Variants in MAD1L1 observed in about 807,000 individuals in gnomAD.
MAD1L1 encodes mitotic spindle assembly checkpoint protein MAD1.
A neutral mutation model predicts 96.9 loss-of-function variants in MAD1L1; 95 were observed. The ratio of observed to expected loss-of-function variants is 0.98; its 90% CI spans 0.83 to 1.16. The LOEUF is 1.16. Among genes scored for constraint, MAD1L1 ranks in the 50% most tolerant of loss-of-function variants. The pLI is 0.00. For missense variants in MAD1L1, 1,007 were observed against 954.4 expected, an observed-to-expected ratio of 1.06 and a Z score of -0.73; for synonymous variants, 473 against 396.6, an observed-to-expected ratio of 1.19 and a Z score of -2.29.
chr7:1,891,629 G>A (rs1355920701), intron 18 of MAD1L1, among the ~76,000 whole-genome samples: 1 of 152,162 alleles, frequency 6.6e-6, no homozygotes, highest in African/African-American at 2.4e-5. Flanking sequence ...CCAGGCTAGA[G>A]TGCGGTGGCG....
intron 17 of MAD1L1, among the ~76,000 whole-genome samples, chr7:1,901,820 C>A (rs967359459): frequency 1.3e-5 from 2 of 152,214 alleles, no homozygotes; most frequent in African/African-American, 4.8e-5. Context: ...TCTGGCCACA[C>A]TGACCAGGAG....
chr7:1,820,297 C>A (rs541322898), intron 18 of MAD1L1, among the ~76,000 whole-genome samples: 33 of 152,222 alleles, frequency 2.2e-4, no homozygotes, highest in African/African-American at 7.2e-4. Context: ...TAGAGGGAAA[C>A]GGACAGCACT....
chr7:1,990,576 C>T (rs531436579), intron 14 of MAD1L1, among the ~76,000 whole-genome samples: 14 of 152,366 alleles, frequency 9.2e-5, no homozygotes, highest in African/African-American at 3.4e-4. Flanking sequence ...ACAGCCCAGC[C>T]GGAGGGCATG....
chr7:1,886,445 G>GC (rs1026819543), intron 18 of MAD1L1, among the ~76,000 whole-genome samples: 3 of 152,168 alleles, frequency 2.0e-5, no homozygotes, highest in African/African-American at 7.2e-5. Flanking sequence ...GTGTCAACAC[G>GC]CCCCAGCTAG....
At chr7:1,865,936 G>A (rs534220080) in intron 18 of MAD1L1, among the ~76,000 whole-genome samples, 3 of 152,368 alleles carry the variant, frequency 2.0e-5, no homozygotes, top group Admixed American at 1.3e-4. Context: ...GCCTGCCAGC[G>A]TGACAGGCAC....
rs531691111 is a variant in MAD1L1, at chr7:1,957,520, C to T, written c.1596+109G>A. 45 of 1,085,278 alleles carry T rather than the reference C, an allele frequency of 4.1e-5. No individual in the cohort carries two copies. The African/African-American group carries it at 4.5e-4, about 11-fold the overall frequency. 67.2% of individuals were successfully genotyped at this position (1,085,278 alleles called of 1,614,324 possible). On this transcript the variant is annotated intron_variant, in intron 16 of 18. Coordinates refer to ENST00000265854, the MANE Select transcript of MAD1L1 (RefSeq NM_001013836.2). ...TGGGAGGGAGGAGAGTTCAGACAGA[C>T]GAGCCAGAAAACGGGTGTTCTGTGG...
chr7:2,213,467 C>A (rs1026321789), intron 9 of MAD1L1, among the ~76,000 whole-genome samples, 194 bp from the exon 10 acceptor site: 1 of 152,204 alleles, frequency 6.6e-6, no homozygotes, highest in Non-Finnish European at 1.5e-5. Context: ...AGAAGCCACA[C>A]TGGCGCTTCC....
chr7:2,132,499 G>A (rs1159506468), intron 11 of MAD1L1, among the ~76,000 whole-genome samples: 5 of 152,206 alleles, frequency 3.3e-5, no homozygotes, highest in South Asian at 4.2e-4. Context: ...CCACCATCAC[G>A]GCCGCGTGAA....
intron 12 of MAD1L1, among the ~76,000 whole-genome samples, chr7:2,068,601 T>C (rs78815951): frequency 1.4e-4 from 22 of 152,108 alleles, no homozygotes; most frequent in East Asian, 1.4e-3. Context: ...TGGGGACAGA[T>C]TGACTTCTTT....
intron 11 of MAD1L1, among the ~76,000 whole-genome samples, chr7:2,106,394 G>A (rs905784064): frequency 4.0e-5 from 6 of 151,176 alleles, no homozygotes; most frequent in African/African-American, 1.5e-4. Flanking sequence ...CCCTGGAGAC[G>A]GCCATGGTCA....
At chr7:2,061,685 A>T (rs949449723) in intron 12 of MAD1L1, among the ~76,000 whole-genome samples, 10 of 152,376 alleles carry the variant, frequency 6.6e-5, no homozygotes, top group African/African-American at 2.4e-4. Flanking sequence ...CACCCAGGGG[A>T]TCACCAAACG....
At chr7:1,888,794 C>T (rs930889044) in intron 18 of MAD1L1, among the ~76,000 whole-genome samples, 10 of 152,120 alleles carry the variant, frequency 6.6e-5, no homozygotes, top group Admixed American at 3.9e-4. Flanking sequence ...TGTCAGCATG[C>T]ATGCATGTGG....
intron 12 of MAD1L1, among the ~76,000 whole-genome samples, chr7:2,044,360 G>A (rs971504923): frequency 6.6e-6 from 1 of 152,150 alleles, no homozygotes; most frequent in Admixed American, 6.5e-5. Context: ...TTGAACTCAC[G>A]CACCCAGGCT....
intron 12 of MAD1L1, among the ~76,000 whole-genome samples, chr7:2,034,210 T>C (rs1016504995): frequency 6.8e-6 from 1 of 148,116 alleles, no homozygotes; most frequent in African/African-American, 2.5e-5. Context: ...AAATTTCCAA[T>C]AAAGAGTCTC....
At position 2,161,637 on chromosome 7, in the gene MAD1L1, C is replaced by T. The variant is rs560210110; in HGVS notation, c.987-12399G>A. Among the ~76,000 whole-genome samples the T allele has an allele frequency of 7.3e-4, 111 of 151,838 alleles. 1 individual carries two copies. The highest frequency in any genetic ancestry group is 2.5e-3 in the African/African-American group (105 of 41,418). On this transcript the variant is annotated intron_variant, in intron 10 of 18. Coordinates refer to ENST00000265854, the MANE Select transcript of MAD1L1 (RefSeq NM_001013836.2). ...GAAGTGAGGAGCGCCTCTTCCCGGC[C>T]GACATCCCGTCTAGGAAGTGAGGAG...
chr7:2,185,356 T>C (rs920421617), intron 10 of MAD1L1, among the ~76,000 whole-genome samples: 4 of 152,194 alleles, frequency 2.6e-5, no homozygotes, highest in East Asian at 1.9e-4. Flanking sequence ...GGGGTAGGAA[T>C]TGATTGAAGG....
chr7:1,990,044 C>G (rs981922749), intron 14 of MAD1L1, among the ~76,000 whole-genome samples: 2 of 152,246 alleles, frequency 1.3e-5, no homozygotes, highest in Non-Finnish European at 2.9e-5. Context: ...CTGGGTAACT[C>G]CCCCCACCGC....
chr7:1,917,758 C>T (rs1562522897), intron 17 of MAD1L1, among the ~76,000 whole-genome samples: 1 of 152,150 alleles, frequency 6.6e-6, no homozygotes, highest in African/African-American at 2.4e-5. Flanking sequence ...GGCGTGTGGC[C>T]GTGCACAGCC....
chr7:2,195,366 T>C (rs934603755), intron 10 of MAD1L1, among the ~76,000 whole-genome samples: 1 of 152,166 alleles, frequency 6.6e-6, no homozygotes, highest in Admixed American at 6.5e-5. Flanking sequence ...GCAATCCTAA[T>C]AAAAGGCAAA....
Sources: gnomAD v4.1 joint callset for allele counts (sites outside exome capture counted in the v4.1 genomes callset) on GRCh38, gnomAD v4.1.1 for gene constraint, MANE v1.5 for transcripts, NCBI Gene and HGNC (gene_info 2026-07-23, HGNC 2026-07-21) for gene names.